The following CLVS1 variants were observed in gnomAD, a reference collection of about 807,000 sequenced individuals.
The protein encoded by CLVS1 is clavesin 1.
Under a neutral mutation model 33.1 loss-of-function variants are expected in CLVS1, and 10 were observed. The ratio of observed to expected loss-of-function variants is 0.30; its 90% confidence interval spans 0.19 to 0.51. CLVS1 has a LOEUF of 0.51. CLVS1 is among the 20% of genes least tolerant of loss of function. The pLI is 0.97. For missense variants in CLVS1, 343 were observed against 433.4 expected, an observed-to-expected ratio of 0.79 and a Z score of 1.85; for synonymous variants, 163 against 166.1, an observed-to-expected ratio of 0.98 and a Z score of 0.14.
intron 3 of CLVS1, chr8:61,390,976 A>ATTTT (rs3063289): frequency 6.8e-6 from 1 of 147,772 alleles, no homozygotes; most frequent in African/African-American, 2.5e-5. Flanking sequence ...CTAGACTTAG[A>ATTTT]TTTTTTTTTT....
At chr8:61,449,170 G>T (rs1172105394) in intron 3 of CLVS1, among the ~76,000 whole-genome samples, 1 of 152,176 alleles carries the variant, frequency 6.6e-6, no homozygotes, top group African/African-American at 2.4e-5. Flanking sequence ...CCTCATTACT[G>T]GTGGGCAGGA....
chr8:61,429,396 G>T (rs1816025589), intron 3 of CLVS1, among the ~76,000 whole-genome samples: 1 of 132,258 alleles, frequency 7.6e-6, no homozygotes, highest in Admixed American at 8.4e-5. Context: ...CTCTAGCCTA[G>T]GTGACACAGT....
chr8:61,462,632 C>T (rs978422134), intron 5 of CLVS1, among the ~76,000 whole-genome samples: 4 of 152,136 alleles, frequency 2.6e-5, no homozygotes, highest in Non-Finnish European at 5.9e-5. Context: ...CTTGGGTAAC[C>T]AGGAGCACTG....
At chr8:61,312,024 T>G (rs903455583) in intron 2 of CLVS1, among the ~76,000 whole-genome samples, 5 of 152,238 alleles carry the variant, frequency 3.3e-5, no homozygotes, top group Non-Finnish European at 7.3e-5. Context: ...GCTTCCTGAA[T>G]GAATGCATTG....
chr8:61,028,877 C>A, the CLVS1 span, among the ~76,000 whole-genome samples: 71 of 152,330 alleles, frequency 4.7e-4, no homozygotes, highest in African/African-American at 1.5e-3. Flanking sequence ...CATATTCTTA[C>A]TGTCTGCTGG....
chr8:61,333,416 TATAAGA>T (rs1286283076), intron 2 of CLVS1, among the ~76,000 whole-genome samples: 1 of 152,124 alleles, frequency 6.6e-6, no homozygotes, highest in African/African-American at 2.4e-5. Context: ...ATGTGACTAG[TATAAGA>T]ATAACTGCAG....
intron 3 of CLVS1, among the ~76,000 whole-genome samples, chr8:61,383,951 T>A (rs1157196763): frequency 1.3e-5 from 2 of 152,150 alleles, no homozygotes; most frequent in Non-Finnish European, 2.9e-5. Context: ...TACAAAGAAA[T>A]GATTTCTTTA....
intron 2 of CLVS1, among the ~76,000 whole-genome samples, chr8:61,245,034 C>A (rs1369246025): frequency 1.3e-5 from 2 of 152,062 alleles, no homozygotes; most frequent in Non-Finnish European, 2.9e-5. Context: ...TATATCCAGC[C>A]TTTTCTCATA....
intron 2 of CLVS1, chr8:61,202,829 C>T (rs1807763205): frequency 9.3e-7 from 1 of 1,078,552 alleles, no homozygotes; most frequent in South Asian, 1.2e-5. Flanking sequence ...AAACTTGCTG[C>T]TGATGAAGAT....
At chr8:61,232,023 GTTTTTTTTTTTTTT>G (rs1158042227) in intron 2 of CLVS1, among the ~76,000 whole-genome samples, 1 of 62,628 alleles carries the variant, frequency 1.6e-5, no homozygotes, top group Non-Finnish European at 3.9e-5. Flanking sequence ...GAAAGTTGTG[GTTTTTTTTTTTTTT>G]TTTTTTTTTT....
At chr8:61,251,387 G>A (rs190648947) in intron 2 of CLVS1, among the ~76,000 whole-genome samples, 1 of 152,182 alleles carries the variant, frequency 6.6e-6, no homozygotes, top group East Asian at 1.9e-4. Context: ...TTTTTGTGGT[G>A]TCTCTGCCAG....
At chr8:61,437,609 C>T (rs1020936496) in intron 3 of CLVS1, among the ~76,000 whole-genome samples, 1 of 152,052 alleles carries the variant, frequency 6.6e-6, no homozygotes, top group Non-Finnish European at 1.5e-5. Context: ...TGGAGATATG[C>T]AAGTTCATTT....
chr8:61,043,615 G>A, the CLVS1 span, among the ~76,000 whole-genome samples: 2,611 of 152,294 alleles, frequency 0.017, 30 homozygotes, highest in Non-Finnish European at 0.027. Context: ...AAGAACAGAA[G>A]AAATTAGCAT....
chr8:61,452,920 G>A (rs1817013376), intron 3 of CLVS1, among the ~76,000 whole-genome samples: 1 of 152,070 alleles, frequency 6.6e-6, no homozygotes, highest in Non-Finnish European at 1.5e-5. Flanking sequence ...AAGATGCCTG[G>A]GGATCCTGTA....
intron 1 of CLVS1, among the ~76,000 whole-genome samples, chr8:61,125,969 T>A (rs1805961314): frequency 6.6e-6 from 1 of 151,990 alleles, no homozygotes. Flanking sequence ...GGACATTTTT[T>A]TTTTTCTGAT....
intron 3 of CLVS1, among the ~76,000 whole-genome samples, chr8:61,406,759 C>T (rs1458355043): frequency 6.6e-6 from 1 of 152,056 alleles, no homozygotes; most frequent in East Asian, 1.9e-4. Flanking sequence ...AGGTGCACGC[C>T]ACCTCTCCCG....
chr8:61,217,454 T>A (rs934244917), intron 2 of CLVS1, among the ~76,000 whole-genome samples: 3 of 152,204 alleles, frequency 2.0e-5, no homozygotes, highest in Non-Finnish European at 2.9e-5. Context: ...ATCAAAGGTA[T>A]GTCTCAACTT....
At position 61,384,508 on chromosome 8, in the gene CLVS1, G is replaced by T. The variant is rs139007170; in HGVS notation, c.630+7729G>T. Among the ~76,000 whole-genome samples, 836 of 152,314 alleles carry T rather than the reference G, an allele frequency of 5.5e-3. 4 individuals carry two copies. The highest frequency in any genetic ancestry group is 0.018 in the African/African-American group (758 of 41,566). ...CAATGGTTGAGGGTTGGCTGCGTGG[G>T]AAGTGGTGGAGGAGGAGTTAAGGAT... On this transcript the variant is annotated intron_variant, in intron 3 of 5. Transcript: ENST00000325897.
At chr8:61,320,288 G>A (rs1167362723) in intron 2 of CLVS1, among the ~76,000 whole-genome samples, 4 of 150,280 alleles carry the variant, frequency 2.7e-5, no homozygotes, top group African/African-American at 2.4e-5. Context: ...TTTTCTTTTT[G>A]CTATTTATGT....
Sources: allele counts gnomAD v4.1 joint callset (sites outside exome capture counted in the v4.1 genomes callset), GRCh38; gene constraint gnomAD v4.1.1; transcripts MANE v1.5; gene names NCBI Gene and HGNC (gene_info 2026-07-23, HGNC 2026-07-21).